The following MGA variants were observed in gnomAD, a reference collection of about 807,000 sequenced individuals.
MGA encodes the protein MAX gene-associated protein.
In MGA, 40 loss-of-function variants were observed where a neutral mutation model predicts 261.1. The ratio of observed to expected loss-of-function variants is 0.15; its 90% CI spans 0.12 to 0.20. The LOEUF is 0.20. MGA is among the 10% of genes least tolerant of loss of function. The pLI is 1.00. For synonymous variants in MGA, 1,302 were observed against 1,290.6 expected, an observed-to-expected ratio of 1.01 and a Z score of -0.19; for missense variants, 3,397 against 3,630.5, an observed-to-expected ratio of 0.94 and a Z score of 1.65.
chr15:41,691,536 CT>C (rs2059285540), intron 2 of MGA: 1 of 336,510 alleles, frequency 3.0e-6, no homozygotes, highest in South Asian at 2.7e-5. Context: ...TTTTTCTTGC[CT>C]AATCATCCTG....
At position 41,696,164 on chromosome 15, in the gene MGA, C is replaced by A. The variant is rs772980524; in HGVS notation, c.1154C>A (p.Pro385His). 3 of 1,613,880 alleles carry A rather than the reference C, an allele frequency of 1.9e-6. No homozygotes were observed. Among genetic ancestry groups the A allele is most frequent in the Non-Finnish European group, 1.7e-6 (2 of 1,179,876 alleles). ...TTCAATGTTGTTATTAAAGAGGAACCTCTAGATGATTATGACTACGAACTT... is the reference window on the plus strand; with the variant it reads ...TTCAATGTTGTTATTAAAGAGGAACATCTAGATGATTATGACTACGAACTT... Residue 385 changes from proline to histidine, a missense_variant, in exon 3 of 24, where the codon CCT becomes CAT. This residue lies in a region of MGA where 563 missense variants were observed against 563.6 expected (regional missense o/e 1.00). Transcript: ENST00000219905.
chr15:41,705,939 C>T (rs1414162923), intron 5 of MGA, among the ~76,000 whole-genome samples: 1 of 151,924 alleles, frequency 6.6e-6, no homozygotes, highest in Non-Finnish European at 1.5e-5. Context: ...TGATTAAATA[C>T]AATAAATATG....
At chr15:41,726,174 A>G (rs1240944994) in intron 9 of MGA, among the ~76,000 whole-genome samples, 1 of 152,152 alleles carries the variant, frequency 6.6e-6, no homozygotes, top group Non-Finnish European at 1.5e-5. Context: ...TGCAGTAGTG[A>G]CAGCTTGGTC....
At chr15:41,667,500 C>T (rs1246813974) in intron 1 of MGA, among the ~76,000 whole-genome samples, 5 of 152,088 alleles carry the variant, frequency 3.3e-5, no homozygotes. Context: ...ACCTCCTTGG[C>T]CTCCCAGAGT....
chr15:41,694,748 G>A (rs368429083), intron 2 of MGA, among the ~76,000 whole-genome samples: 8 of 151,974 alleles, frequency 5.3e-5, no homozygotes, highest in Non-Finnish European at 8.8e-5. Flanking sequence ...TCCTGACCTC[G>A]TGATCCACCT....
chr15:41,760,264 CAG>C, intron 19 of MGA, 57 bp from the exon 20 acceptor site: 2 of 1,535,290 alleles, frequency 1.3e-6, no homozygotes, highest in Non-Finnish European at 1.8e-6. Context: ...TCATTTGAAA[CAG>C]AGTAAGAGGG....
intron 18 of MGA, among the ~76,000 whole-genome samples, chr15:41,755,784 C>T (rs1017299485): frequency 4.6e-5 from 7 of 152,130 alleles, no homozygotes; most frequent in Non-Finnish European, 8.8e-5. Flanking sequence ...TTTGGGAGGC[C>T]GAGGTGGGTG....
chr15:41,699,121 T>C lies in MGA; in HGVS notation c.2150T>C (p.Leu717Ser). 6.2e-7 allele frequency: 1 copy of C among 1,612,236 alleles called. No homozygotes were observed. The highest frequency in any genetic ancestry group is 8.5e-7 in the Non-Finnish European group (1 of 1,179,190). ...GAATTGATAGAAGATTTGAAGACTT[T>C]GCGGCACAAGCAGGTGATACATCCT... Residue 717 changes from leucine to serine, a missense_variant, in exon 5 of 24, where the codon TTG (leucine) becomes TCG (serine). Transcript: ENST00000219905.
intron 2 of MGA, among the ~76,000 whole-genome samples, chr15:41,685,850 AAG>A (rs2058925050): frequency 1.3e-5 from 2 of 151,760 alleles, no homozygotes; most frequent in Non-Finnish European, 2.9e-5. Flanking sequence ...AAAATACAAA[AAG>A]AAATTAGCTG....
intron 2 of MGA, among the ~76,000 whole-genome samples, chr15:41,692,380 G>C (rs929638185): frequency 6.6e-6 from 1 of 152,104 alleles, no homozygotes; most frequent in South Asian, 2.1e-4. Context: ...TCCTATTTGG[G>C]GTCCTCGAGA....
Position 41,761,724 on chromosome 15 carries a change from C to G in MGA, c.7399-15C>G. The G allele has an allele frequency of 3.4e-6, 5 of 1,490,436 alleles. No individual in the cohort carries two copies. Among genetic ancestry groups the G allele is most frequent in the Non-Finnish European group, 4.6e-6 (5 of 1,085,366 alleles). The allele number at this position is 1,490,436 out of a possible 1,614,324, so 92.3% of individuals were successfully genotyped here. A position where few individuals can be genotyped will look rare whatever the true frequency, so the allele number is the denominator to read the frequency against. The stretch of plus-strand genomic sequence containing the variant: ...AGTGGATCAATTTTCAATAATACCA[C>G]TATTTGTATTCTAGGCCTTCAGTGA... On this transcript the variant is annotated splice_polypyrimidine_tract_variant and intron_variant, in intron 20 of 23. Transcript: ENST00000219905.
At chr15:41,737,762 C>T (rs1003213822) in intron 13 of MGA, among the ~76,000 whole-genome samples, 25 of 151,378 alleles carry the variant, frequency 1.7e-4, no homozygotes, top group African/African-American at 6.1e-4. Context: ...GGTGGATCAC[C>T]TAAGGCAAGG....
At chr15:41,728,590 A>C (rs550092058) in intron 10 of MGA, among the ~76,000 whole-genome samples, 1 of 152,174 alleles carries the variant, frequency 6.6e-6, no homozygotes, top group Non-Finnish European at 1.5e-5. Flanking sequence ...TGTTGTTACT[A>C]TTCATTAGTG....
At position 41,769,569 on chromosome 15, in the gene MGA, A is replaced by G. The variant is rs1224944671; in HGVS notation, c.*2289A>G. On this transcript the variant is annotated 3_prime_UTR_variant, in exon 24 of 24. Transcript: ENST00000219905. Reference sequence around the variant, plus strand: ...TCTTGACAGAAATCTAAAATCTCCAAAAACTCCTACCCTTTAACCTTACCC... The same window carrying G: ...TCTTGACAGAAATCTAAAATCTCCAGAAACTCCTACCCTTTAACCTTACCC... 1.3e-5 allele frequency: 2 copies of G among 152,420 alleles called. No homozygotes were observed. Among genetic ancestry groups the G allele is most frequent in the Non-Finnish European group, 2.9e-5 (2 of 68,006 alleles). 9.4% of individuals were successfully genotyped at this position (152,420 alleles called of 1,614,324 possible). A position where few individuals can be genotyped will look rare whatever the true frequency, so the allele number is the denominator to read the frequency against.
chr15:41,660,168 C>T (rs535025638), upstream of MGA, among the ~76,000 whole-genome samples: 1 of 152,234 alleles, frequency 6.6e-6, no homozygotes, highest in South Asian at 2.1e-4. Flanking sequence ...TTAGGTGCCT[C>T]CCTCCTGCCT....
At chr15:41,652,132 AT>A (rs1364144728) in intron 1 of MGA, among the ~76,000 whole-genome samples, 236 of 137,198 alleles carry the variant, frequency 1.7e-3, no homozygotes, top group African/African-American at 3.1e-3. Context: ...CGCCCGGCTA[AT>A]TTTTTTTTTT....
chr15:41,741,656 G>T (rs993279506), intron 14 of MGA, among the ~76,000 whole-genome samples: 7 of 152,070 alleles, frequency 4.6e-5, no homozygotes, highest in Non-Finnish European at 7.4e-5. Context: ...TTAGTATCCT[G>T]ACAGTTTGAA....
At position 41,764,971 on chromosome 15, in the gene MGA, C is replaced by G; in HGVS notation, c.7830C>G (p.Pro2610=). The G allele has an allele frequency of 6.2e-7, 1 of 1,614,056 alleles. No individual in the cohort carries two copies. Among genetic ancestry groups the G allele is most frequent in the South Asian group, 1.1e-5 (1 of 91,086 alleles). The change falls in exon 23 of 24, where the codon CCC becomes CCG. Residue 2610 remains proline (P), a synonymous_variant. Transcript: ENST00000219905. ...GGCAATTGCTCACCCTAAAAGGTCC[C>G]CTATTCTCAGGACCAGTGGTAGCTG...
chr15:41,656,338 C>CTCTCT (rs1325877106), upstream of MGA, among the ~76,000 whole-genome samples: 1 of 54,556 alleles, frequency 1.8e-5, no homozygotes, highest in African/African-American at 4.3e-5. Context: ...CTCTCCCTCT[C>CTCTCT]CTCTCTTCTC....
Sources: allele counts gnomAD v4.1 joint callset (sites outside exome capture counted in the v4.1 genomes callset), GRCh38; gene constraint gnomAD v4.1.1; regional missense constraint gnomAD v4.1.1; transcripts MANE v1.5; gene names NCBI Gene and HGNC (gene_info 2026-07-23, HGNC 2026-07-21).